The following FSTL5 variants were observed in gnomAD, a reference collection of about 807,000 sequenced individuals.
FSTL5 encodes the protein follistatin like 5, also known as follistatin-related protein 5.
FSTL5 carries 62 observed loss-of-function variants against 89.1 expected under a neutral mutation model. That is an observed-to-expected ratio of 0.70 (90% CI 0.57 to 0.86). FSTL5 has a LOEUF of 0.86. Ranked by LOEUF, FSTL5 falls within the 40% of genes least tolerant of loss-of-function variation. The probability of loss-of-function intolerance (pLI) is 0.00; values close to 1 mark genes in which losing one functional copy is unlikely to be tolerated. For missense variants in FSTL5, 1,057 were observed against 1,001.6 expected (o/e 1.06, Z -0.75); for synonymous variants, 383 against 346.2 (o/e 1.11, Z -1.18).
intron 2 of FSTL5, among the ~76,000 whole-genome samples, chr4:162,056,656 T>C (rs1283658815): frequency 1.3e-5 from 2 of 152,206 alleles, no homozygotes; most frequent in African/African-American, 2.4e-5. Flanking sequence ...AGCATTTGCA[T>C]ACATATCAAA....
chr4:162,029,189 G>A (rs531277515), intron 3 of FSTL5, among the ~76,000 whole-genome samples: 11 of 150,856 alleles, frequency 7.3e-5, no homozygotes, highest in South Asian at 4.2e-4. Context: ...GTGTGTGTGC[G>A]TGTGTGTGTG....
At chr4:161,643,385 CA>C (rs1400905530) in intron 7 of FSTL5, among the ~76,000 whole-genome samples, 2 of 152,022 alleles carry the variant, frequency 1.3e-5, no homozygotes, top group Non-Finnish European at 2.9e-5. Context: ...TGGCCTTCAG[CA>C]TTTATATTTG....
At chr4:161,850,432 G>T (rs993320906) in intron 4 of FSTL5, among the ~76,000 whole-genome samples, 2 of 152,118 alleles carry the variant, frequency 1.3e-5, no homozygotes, top group African/African-American at 4.8e-5. Flanking sequence ...ACTGAAAATT[G>T]CTTTTTAGCA....
chr4:161,855,907 C>T (rs1490502213), intron 4 of FSTL5, among the ~76,000 whole-genome samples: 1 of 152,022 alleles, frequency 6.6e-6, no homozygotes, highest in Non-Finnish European at 1.5e-5. Flanking sequence ...GAGGAAATAT[C>T]ACTAAAGAAA....
chr4:162,014,103 T>C (rs2111138310), intron 3 of FSTL5, among the ~76,000 whole-genome samples: 1 of 152,324 alleles, frequency 6.6e-6, no homozygotes, highest in Non-Finnish European at 1.5e-5. Context: ...TGCTCCACCC[T>C]GCATCTGTGG....
intron 6 of FSTL5, among the ~76,000 whole-genome samples, chr4:161,750,075 G>A (rs1293047303): frequency 6.6e-6 from 1 of 152,060 alleles, no homozygotes; most frequent in Non-Finnish European, 1.5e-5. Context: ...ATATATACGA[G>A]TATGTTTGTC....
chr4:161,971,545 T>A (rs552318683), intron 3 of FSTL5, among the ~76,000 whole-genome samples: 1 of 152,136 alleles, frequency 6.6e-6, no homozygotes, highest in Non-Finnish European at 1.5e-5. Flanking sequence ...TTATAAGGCA[T>A]TACTACTAGG....
At chr4:161,658,520 A>T (rs2126684319) in intron 6 of FSTL5, among the ~76,000 whole-genome samples, 1 of 152,290 alleles carries the variant, frequency 6.6e-6, no homozygotes, top group South Asian at 2.1e-4. Flanking sequence ...TCTGTCATAT[A>T]CATATGACAT....
intron 3 of FSTL5, among the ~76,000 whole-genome samples, chr4:161,972,540 G>A (rs568434909): frequency 9.9e-5 from 15 of 152,240 alleles, no homozygotes; most frequent in African/African-American, 3.6e-4. Flanking sequence ...GGATGCCTTT[G>A]GCCAACAGCC....
chr4:161,651,773 T>C (rs12499065), intron 7 of FSTL5, among the ~76,000 whole-genome samples: 25,894 of 152,194 alleles, frequency 0.17, 2,447 homozygotes, highest in East Asian at 0.32. Context: ...TGAAGATTAA[T>C]TGGAATCCAG....
At chr4:161,602,253 AAGAGAGAGAGAGAGAGAGAGAG>A (rs58991875) in intron 7 of FSTL5, among the ~76,000 whole-genome samples, 1 of 122,730 alleles carries the variant, frequency 8.1e-6, no homozygotes, top group African/African-American at 3.2e-5. Flanking sequence ...GAGGGAGAGA[AAGAGAGAGAGAGAGAGAGAGAG>A]AGAGAGAGAG....
At chr4:161,690,418 A>G (rs954332967) in intron 6 of FSTL5, among the ~76,000 whole-genome samples, 9 of 152,088 alleles carry the variant, frequency 5.9e-5, no homozygotes, top group African/African-American at 1.9e-4. Flanking sequence ...AATGCTCAGC[A>G]TATTTTTATA....
At chr4:162,030,640 A>C (rs1487839571) in intron 3 of FSTL5, among the ~76,000 whole-genome samples, 4 of 152,198 alleles carry the variant, frequency 2.6e-5, no homozygotes, top group African/African-American at 9.6e-5. Context: ...GATACTGAGG[A>C]GCATGCAAGA....
chr4:161,693,931 C>T (rs1738046073), intron 6 of FSTL5, among the ~76,000 whole-genome samples: 1 of 152,068 alleles, frequency 6.6e-6, no homozygotes, highest in African/African-American at 2.4e-5. Context: ...AGCCACTGTG[C>T]CCAGCCTTCT....
At chr4:161,709,065 A>G (rs1181549091) in intron 6 of FSTL5, among the ~76,000 whole-genome samples, 1 of 152,196 alleles carries the variant, frequency 6.6e-6, no homozygotes, top group Non-Finnish European at 1.5e-5. Flanking sequence ...TTTTGCCTCT[A>G]ACATGGCTTG....
chr4:161,480,383 G>A (rs1440474976), intron 13 of FSTL5, among the ~76,000 whole-genome samples: 1 of 152,150 alleles, frequency 6.6e-6, no homozygotes, highest in Non-Finnish European at 1.5e-5. Context: ...AGACTGACTG[G>A]ACACCAACCC....
At chr4:161,558,738 T>C (rs1732481783) in intron 8 of FSTL5, among the ~76,000 whole-genome samples, 1 of 151,826 alleles carries the variant, frequency 6.6e-6, no homozygotes, top group Non-Finnish European at 1.5e-5. Context: ...CTAGTAAAAA[T>C]AGCATGCTTC....
At chr4:161,944,435 A>G (rs1734679724) in intron 3 of FSTL5, among the ~76,000 whole-genome samples, 1 of 152,106 alleles carries the variant, frequency 6.6e-6, no homozygotes, top group South Asian at 2.1e-4. Flanking sequence ...CATAGTTCAC[A>G]TCATAAAAAT....
rs1553958716 is a variant in FSTL5, at chr4:161,692,341, C to CGA, written c.728-35848_728-35847insTC. Among the ~76,000 whole-genome samples the CGA allele has an allele frequency of 4.7e-5, 7 of 148,852 alleles. No individual in the cohort carries two copies. The East Asian group carries it at 8.0e-4, about 17-fold the overall frequency. The stretch of plus-strand genomic sequence containing the variant: ...TCCACGTCTACTGAGATATGGAGAT[C>CGA]GTGTGTGTGTGTGTGTGTGTGTGTG... On this transcript the variant is annotated intron_variant, in intron 6 of 15. Transcript: ENST00000306100.
Sources: gnomAD v4.1 joint callset for allele counts (sites outside exome capture counted in the v4.1 genomes callset) on GRCh38, gnomAD v4.1.1 for gene constraint, MANE v1.5 for transcripts, NCBI Gene and HGNC (gene_info 2026-07-23, HGNC 2026-07-21) for gene names.